The following RHEX variants were observed in gnomAD, a reference collection of about 807,000 sequenced individuals.
RHEX encodes the protein regulator of hemoglobinization and erythroid cell expansion protein.
A neutral mutation model predicts 20.1 loss-of-function variants in RHEX; 18 were observed. That is an observed-to-expected ratio of 0.90 (90% confidence interval 0.62 to 1.33). RHEX has a LOEUF of 1.33. RHEX is among the 40% of genes most tolerant of loss of function. The pLI is 0.00. For synonymous variants in RHEX, 87 were observed against 77.1 expected (o/e 1.13, Z -0.67); for missense variants, 192 against 214.3 (o/e 0.90, Z 0.65).
At chr1:206,064,105 G>A (rs1662363540) in intron 1 of RHEX, among the ~76,000 whole-genome samples, 6 of 149,768 alleles carry the variant, frequency 4.0e-5, no homozygotes, top group Admixed American at 1.3e-4. Context: ...GAGGTGAGGA[G>A]CGTCTCTGCC....
chr1:206,074,838 C>T (rs1571861530), intron 1 of RHEX, among the ~76,000 whole-genome samples: 1 of 152,192 alleles, frequency 6.6e-6, no homozygotes, highest in East Asian at 1.9e-4. Flanking sequence ...ATTCAACATT[C>T]CCAAAGGGAA....
chr1:206,088,067 C>T (rs1317004711), intron 1 of RHEX, among the ~76,000 whole-genome samples: 1 of 152,116 alleles, frequency 6.6e-6, no homozygotes, highest in African/African-American at 2.4e-5. Flanking sequence ...GTGCAGTGAG[C>T]TTTGATCCTA....
rs782272874 is a variant in RHEX, at chr1:206,098,126, C to A, written c.57C>A (p.Leu19=). 7 of 1,614,148 alleles carry A rather than the reference C, an allele frequency of 4.3e-6. No individual in the cohort carries two copies. Among genetic ancestry groups the A allele is most frequent in the Non-Finnish European group, 5.9e-6 (7 of 1,180,002 alleles). Residue 19 remains leucine, a synonymous_variant, in exon 3 of 6, where the codon CTC becomes CTA. Coordinates refer to ENST00000331555, the MANE Select transcript of RHEX (RefSeq NM_001007544.4). ...WHGLVIAVVS[L]FLQACFLTAI... is the part of the protein sequence containing the mutation. ...GCTTAGTGATCGCGGTGGTGTCCCT[C>A]TTCCTGCAGGCCTGCTTCCTCACCG...
At chr1:206,055,808 T>A (rs951980077) in intron 1 of RHEX, among the ~76,000 whole-genome samples, 1 of 152,248 alleles carries the variant, frequency 6.6e-6, no homozygotes, top group Non-Finnish European at 1.5e-5. Context: ...AAAGTGGCAG[T>A]TGGAGTTTTA....
intron 1 of RHEX, among the ~76,000 whole-genome samples, chr1:206,066,873 C>T (rs1028209009): frequency 2.0e-5 from 3 of 152,158 alleles, no homozygotes; most frequent in African/African-American, 7.2e-5. Context: ...AATTTAGGCT[C>T]TGTATGTCAA....
At chr1:206,089,689 A>C (rs1662909026) in intron 1 of RHEX, among the ~76,000 whole-genome samples, 1 of 151,148 alleles carries the variant, frequency 6.6e-6, no homozygotes, top group Admixed American at 6.6e-5. Context: ...TATAAACCAA[A>C]GATGCAAAAT....
intron 1 of RHEX, among the ~76,000 whole-genome samples, chr1:206,064,816 C>T (rs1553283980): frequency 6.6e-6 from 1 of 152,010 alleles, no homozygotes; most frequent in Non-Finnish European, 1.5e-5. Flanking sequence ...ATGACAATGG[C>T]GGCTTTGTGG....
intron 1 of RHEX, among the ~76,000 whole-genome samples, chr1:206,082,933 C>T (rs1164187401): frequency 1.3e-5 from 2 of 152,106 alleles, no homozygotes; most frequent in Non-Finnish European, 2.9e-5. Flanking sequence ...GATTTTAGGC[C>T]CTCCAAAGAG....
intron 1 of RHEX, among the ~76,000 whole-genome samples, chr1:206,062,537 GGAGTC>G: frequency 6.6e-6 from 1 of 152,354 alleles, no homozygotes; most frequent in Non-Finnish European, 1.5e-5. Flanking sequence ...TGTCAACTTA[GGAGTC>G]ATGCTTGTAT....
At chr1:206,077,159 C>T (rs1662650148) in intron 1 of RHEX, among the ~76,000 whole-genome samples, 1 of 152,100 alleles carries the variant, frequency 6.6e-6, no homozygotes, top group African/African-American at 2.4e-5. Flanking sequence ...CACAAAAACA[C>T]AGCTGTGCAT....
At chr1:206,099,843 G>T in intron 4 of RHEX, 45 bp downstream of exon 4, 1 of 1,595,654 alleles carries the variant, frequency 6.3e-7, no homozygotes, top group Non-Finnish European at 8.6e-7. Context: ...GACTAACTTT[G>T]CTCTCTCTGG....
intron 1 of RHEX, among the ~76,000 whole-genome samples, chr1:206,077,480 A>C (rs1313923104): frequency 5.9e-5 from 9 of 152,308 alleles, no homozygotes; most frequent in African/African-American, 2.2e-4. Context: ...GCCTATAAAC[A>C]ACATGGTGAG....
intron 1 of RHEX, among the ~76,000 whole-genome samples, chr1:206,073,321 T>A (rs1662569739): frequency 1.3e-5 from 2 of 152,212 alleles, no homozygotes; most frequent in South Asian, 4.1e-4. Flanking sequence ...GGTGCATACA[T>A]CTGTTTCCTG....
chr1:206,069,489 T>A (rs1553284460), intron 1 of RHEX, among the ~76,000 whole-genome samples: 4 of 152,180 alleles, frequency 2.6e-5, no homozygotes, highest in African/African-American at 9.6e-5. Flanking sequence ...GAATGAACAC[T>A]AAATATTGAT....
chr1:206,101,876 G>A lies in RHEX; in HGVS notation c.443G>A (p.Arg148Lys). 1 of 1,614,034 alleles carries A rather than the reference G, an allele frequency of 6.2e-7. No homozygotes were observed. The highest frequency in any genetic ancestry group is 1.3e-5 in the African/African-American group (1 of 75,050). ...GATTATGTCAATGTCAATCCAGAAAGACACAAGCCCAGTTTCTGGTATTTT... is the reference window on the plus strand; with the variant it reads ...GATTATGTCAATGTCAATCCAGAAAAACACAAGCCCAGTTTCTGGTATTTT... ...ITDYVNVNPE[R>K]HKPSFWYFVN... Residue 148 changes from arginine to lysine, a missense_variant, in exon 6 of 6, where the codon AGA becomes AAA. Transcript: ENST00000331555.
rs141714439 is a variant in RHEX, at chr1:206,086,624, G to A, written c.-96-11109G>A. 5.3e-5 allele frequency among the ~76,000 whole-genome samples: 8 copies of A among 152,276 alleles called. No homozygotes were observed. In the East Asian group the frequency reaches 1.3e-3, roughly 26 times the overall value. Reference sequence around the variant, plus strand: ...AGAACAATAGTATCTACCTCATAAGGTTGTTATTCTGAGGATTAAATAAGA... The same window carrying A: ...AGAACAATAGTATCTACCTCATAAGATTGTTATTCTGAGGATTAAATAAGA... On this transcript the variant is annotated intron_variant, in intron 1 of 5. Coordinates refer to ENST00000331555, the MANE Select transcript of RHEX (RefSeq NM_001007544.4).
chr1:206,063,341 T>C (rs890441486), intron 1 of RHEX, among the ~76,000 whole-genome samples: 3 of 152,066 alleles, frequency 2.0e-5, no homozygotes, highest in East Asian at 1.9e-4. Flanking sequence ...GTTTCAAGCA[T>C]GGCTTGTGTT....
In RHEX at chr1:206,099,817, G is replaced by T; in HGVS notation, c.256+19G>T. On this transcript the variant is annotated intron_variant, in intron 4 of 5. Coordinates refer to ENST00000331555, the MANE Select transcript of RHEX (RefSeq NM_001007544.4). ...TACAGGCGTGAGTAAGGGGTTGGAG[G>T]GAGAACTTGTCTAGGGACTAACTTT... 6.2e-7 allele frequency: 1 copy of T among 1,611,986 alleles called. No homozygotes were observed. Among genetic ancestry groups the T allele is most frequent in the Non-Finnish European group, 8.5e-7 (1 of 1,178,766 alleles).
intron 1 of RHEX, chr1:206,080,250 C>T (rs1662709096): frequency 6.6e-6 from 1 of 152,176 alleles, no homozygotes; most frequent in Non-Finnish European, 1.5e-5. Context: ...GTCAAAAATT[C>T]CCCAATCCTA....
Sources: allele counts gnomAD v4.1 joint callset (sites outside exome capture counted in the v4.1 genomes callset), GRCh38; gene constraint gnomAD v4.1.1; transcripts MANE v1.5; gene names NCBI Gene and HGNC (gene_info 2026-07-23, HGNC 2026-07-21).